The following CAMK2B variants were observed in gnomAD, a reference collection of about 807,000 sequenced individuals.
CAMK2B encodes calcium/calmodulin-dependent protein kinase type II subunit beta.
A neutral mutation model predicts 93.7 loss-of-function variants in CAMK2B; 27 were observed. The observed-to-expected ratio is 0.29, with a 90% CI of 0.21 to 0.40. The LOEUF (loss-of-function observed/expected upper bound fraction) is 0.40, where lower values mean the gene tolerates loss of function less well. Among genes scored for constraint, CAMK2B ranks in the 10% least tolerant of loss-of-function variants. The pLI is 1.00. For synonymous variants in CAMK2B, 374 were observed against 358.8 expected, an observed-to-expected ratio of 1.04 and a Z score of -0.48; for missense variants, 568 against 895.8, an observed-to-expected ratio of 0.63 and a Z score of 4.67.
rs1345652317 is a variant in CAMK2B at position 44,220,921 on chromosome 7, G to A, written c.1598-20C>T. ...TCCGGGCTGTGGGGAGACATGGCCA[G>A]GTGACCACTGGGCGCTGGCCCATTC... is the stretch of plus-strand genomic sequence containing the variant. On this transcript the variant is annotated intron_variant, in intron 20 of 23. Coordinates refer to ENST00000395749, the MANE Select transcript of CAMK2B (RefSeq NM_001220.5). 10 of 1,553,226 alleles carry A rather than the reference G, an allele frequency of 6.4e-6. No homozygotes were observed. Among genetic ancestry groups the A allele is most frequent in the South Asian group, 1.2e-5 (1 of 84,256 alleles).
chr7:44,262,470 G>C (rs1005663765), intron 3 of CAMK2B, among the ~76,000 whole-genome samples: 2 of 152,254 alleles, frequency 1.3e-5, no homozygotes, highest in Non-Finnish European at 2.9e-5. Context: ...AAAACAGTCA[G>C]GGGCTCTCAG....
intron 1 of CAMK2B, among the ~76,000 whole-genome samples, chr7:44,290,084 C>T (rs1786356955): frequency 6.6e-6 from 1 of 152,198 alleles, no homozygotes; most frequent in African/African-American, 2.4e-5. Context: ...TCAGATGTTG[C>T]AGAATAGGCT....
chr7:44,227,756 TGGGG>T (rs1398495440), intron 19 of CAMK2B, among the ~76,000 whole-genome samples: 4 of 5,478 alleles, frequency 7.3e-4, no homozygotes, highest in East Asian at 0.01. Context: ...GAGGAGGGTG[TGGGG>T]GACAGAGGGA....
chr7:44,244,084 C>T (rs2096707868), intron 6 of CAMK2B, among the ~76,000 whole-genome samples: 2 of 152,178 alleles, frequency 1.3e-5, no homozygotes, highest in African/African-American at 4.8e-5. Flanking sequence ...AGGAGAAACG[C>T]CCAGGGCCCT....
chr7:44,256,871 G>A (rs1159349640), intron 4 of CAMK2B, among the ~76,000 whole-genome samples: 1 of 152,214 alleles, frequency 6.6e-6, no homozygotes, highest in African/African-American at 2.4e-5. Context: ...TTTCAGGGAA[G>A]GGAGTTTGCT....
At chr7:44,275,645 G>A (rs1470915820) in intron 2 of CAMK2B, among the ~76,000 whole-genome samples, 1 of 152,172 alleles carries the variant, frequency 6.6e-6, no homozygotes, top group African/African-American at 2.4e-5. Context: ...TGTGTCCCAC[G>A]CAATTTGGGA....
In CAMK2B at chr7:44,311,789, G is replaced by A. The variant is rs1048941442; in HGVS notation, c.65+13568C>T. On this transcript the variant is annotated intron_variant, in intron 1 of 23. Transcript: ENST00000395749. The surrounding 1 kb of genome is among the most constrained non-coding windows in gnomAD (Gnocchi z 4.2). Reference sequence around the variant, plus strand: ...GGGTCTCTGCTCCCACCTGCAGACAGGACAAGGGGAAGGGGTGTGTGACTG... The same window carrying A: ...GGGTCTCTGCTCCCACCTGCAGACAAGACAAGGGGAAGGGGTGTGTGACTG... 6.6e-6 allele frequency among the ~76,000 whole-genome samples: 1 copy of A among 152,228 alleles called. No individual in the cohort carries two copies. Among genetic ancestry groups the A allele is most frequent in the Non-Finnish European group, 1.5e-5 (1 of 68,032 alleles).
intron 1 of CAMK2B, among the ~76,000 whole-genome samples, chr7:44,302,373 C>T (rs1270865793): frequency 6.6e-6 from 1 of 152,100 alleles, no homozygotes; most frequent in East Asian, 1.9e-4. Flanking sequence ...AAAATAGAAG[C>T]AGCAAGAATA....
intron 19 of CAMK2B, 71 bp downstream of exon 19, chr7:44,228,725 C>T: frequency 7.3e-7 from 1 of 1,370,484 alleles, no homozygotes; most frequent in South Asian, 1.6e-5. Flanking sequence ...AGGTGGGAAG[C>T]TGCTGAGCGC....
intron 12 of CAMK2B, 89 bp from the exon 13 acceptor site, chr7:44,239,752 A>G: frequency 1.1e-6 from 1 of 891,658 alleles, no homozygotes; most frequent in Non-Finnish European, 1.8e-6. Context: ...AAAGAGACAA[A>G]GGAAGCAGAA....
At chr7:44,247,269 G>A (rs1458481401) in intron 5 of CAMK2B, 77 bp from the exon 6 acceptor site, 2 of 1,203,402 alleles carry the variant, frequency 1.7e-6, no homozygotes, top group Admixed American at 3.6e-5. Flanking sequence ...CAGGGGCAAT[G>A]GTGCTGTGTG....
chr7:44,273,541 T>C (rs1435755074), intron 2 of CAMK2B, among the ~76,000 whole-genome samples: 2 of 144,742 alleles, frequency 1.4e-5, no homozygotes, highest in East Asian at 4.2e-4. Context: ...CCTGGTGCGA[T>C]GGGTCCTCCA....
intron 1 of CAMK2B, among the ~76,000 whole-genome samples, chr7:44,300,955 T>C (rs1789825257): frequency 6.6e-6 from 1 of 151,988 alleles, no homozygotes; most frequent in Admixed American, 6.5e-5. Context: ...TGGAATTAAA[T>C]TAGAAATCAA....
chr7:44,239,656 T>C lies in CAMK2B; in HGVS notation c.954A>G (p.Arg318=), dbSNP rs527434778. 1.3e-6 allele frequency: 2 copies of C among 1,549,240 alleles called. No individual in the cohort carries two copies. The highest frequency in any genetic ancestry group is 2.4e-5 in the East Asian group (1 of 40,832). Residue 318 remains arginine (R), a synonymous_variant, in exon 13 of 24, where the codon AGA becomes AGG. Transcript: ENST00000395749. The stretch of plus-strand genomic sequence containing the variant: ...ACATTGTGGCCGGAGCGGTGGTCTG[T>C]CTGCCCACTGTTAGCACCGGGTTAG... ...MLATRNFSVG[R]QTTAPATMST... is the part of the protein sequence containing the mutation.
At chr7:44,242,440 A>G in intron 9 of CAMK2B, 100 bp from the exon 10 acceptor site, 3 of 1,547,486 alleles carry the variant, frequency 1.9e-6, no homozygotes, top group Non-Finnish European at 2.6e-6. Context: ...AATCTGGGAG[A>G]GCAGGACCCA....
chr7:44,235,580 AAGAG>A (rs1005819594), intron 13 of CAMK2B, among the ~76,000 whole-genome samples: 3 of 152,138 alleles, frequency 2.0e-5, no homozygotes, highest in Non-Finnish European at 2.9e-5. Context: ...GTGAGGAAGG[AAGAG>A]AGAGAGAGAA....
At chr7:44,256,868 G>C (rs1404248222) in intron 4 of CAMK2B, among the ~76,000 whole-genome samples, 1 of 152,216 alleles carries the variant, frequency 6.6e-6, no homozygotes, top group Non-Finnish European at 1.5e-5. Context: ...CAGTTTCAGG[G>C]AAGGGAGTTT....
At chr7:44,305,110 C>T (rs1404906425) in intron 1 of CAMK2B, among the ~76,000 whole-genome samples, 3 of 152,134 alleles carry the variant, frequency 2.0e-5, no homozygotes, top group Non-Finnish European at 2.9e-5. Flanking sequence ...TTCAGGGACT[C>T]TAAAGTCTTC....
At chr7:44,281,343 G>A (rs747229904) in intron 2 of CAMK2B, among the ~76,000 whole-genome samples, 7 of 152,194 alleles carry the variant, frequency 4.6e-5, no homozygotes, top group Non-Finnish European at 7.3e-5. Flanking sequence ...CTGCTCCCTG[G>A]GGCCAGGAGG....
Sources: allele counts gnomAD v4.1 joint callset (sites outside exome capture counted in the v4.1 genomes callset), GRCh38; gene constraint gnomAD v4.1.1; non-coding constraint Gnocchi (gnomAD v3.1); transcripts MANE v1.5; gene names NCBI Gene and HGNC (gene_info 2026-07-23, HGNC 2026-07-21).